The following KMT2C variants were observed in gnomAD, a reference collection of about 807,000 sequenced individuals.
KMT2C encodes histone-lysine N-methyltransferase 2C.
In KMT2C, 88 loss-of-function variants were observed where a neutral mutation model predicts 507.9. The observed-to-expected ratio is 0.17, with a 90% CI of 0.15 to 0.21. KMT2C has a LOEUF of 0.21. KMT2C is among the 10% of genes least tolerant of loss of function. The probability of loss-of-function intolerance (pLI) is 1.00; values close to 1 mark genes in which losing one functional copy is unlikely to be tolerated. For missense variants in KMT2C, 4,954 were observed against 5,957.8 expected (o/e 0.83, Z 5.55); for synonymous variants, 2,049 against 2,080.8 (o/e 0.98, Z 0.42).
chr7:152,297,133 C>T (rs1196289334), intron 6 of KMT2C, among the ~76,000 whole-genome samples: 1 of 149,178 alleles, frequency 6.7e-6, no homozygotes, highest in African/African-American at 2.5e-5. Context: ...CATATATATG[C>T]TATGTGAACA....
rs2092505793 is a variant in KMT2C, at chr7:152,162,442, G to C, written c.11135C>G (p.Pro3712Arg). 6.2e-7 allele frequency: 1 copy of C among 1,614,230 alleles called. No homozygotes were observed. The highest frequency in any genetic ancestry group is 2.2e-5 in the East Asian group (1 of 44,888). The change falls in exon 43 of 59, where the codon CCT becomes CGT. Residue 3712 changes from proline (P) to arginine (R), a missense_variant. This residue lies in a region of KMT2C where 801 missense variants were observed against 751.2 expected (regional missense o/e 1.07). Transcript: ENST00000262189. ...SEVDKLSMET[P>R]AKTEEIKLEK... is the part of the protein sequence containing the mutation. ...CAGTTTTATCTCTTCTGTTTTGGCA[G>C]GGGTTTCCATGGAGAGCTTGTCTAC...
At chr7:152,331,698 G>A (rs1003812604) in intron 2 of KMT2C, among the ~76,000 whole-genome samples, 2 of 144,042 alleles carry the variant, frequency 1.4e-5, no homozygotes, top group African/African-American at 2.7e-5. Context: ...ACCCAGGCTG[G>A]AATGCAATGG....
intron 6 of KMT2C, among the ~76,000 whole-genome samples, chr7:152,298,130 A>G (rs2096533089): frequency 1.3e-5 from 2 of 152,210 alleles, no homozygotes; most frequent in Non-Finnish European, 2.9e-5. Flanking sequence ...TTAAAAAGTG[A>G]TTTTTAAAAA....
intron 7 of KMT2C, among the ~76,000 whole-genome samples, chr7:152,271,811 T>C (rs1378002220): frequency 6.6e-6 from 1 of 152,106 alleles, no homozygotes; most frequent in Non-Finnish European, 1.5e-5. Context: ...GCAAGGTGGC[T>C]ACTTTAAGAT....
In KMT2C at chr7:152,159,077, T is replaced by C. The variant is rs893152303; in HGVS notation, c.11461-5A>G. ...CATTTGAGCCCCCAAAGTTTGCTAA[T>C]GTAATTGGAAAGGGTAAAAAATAAG... On this transcript the variant is annotated splice_region_variant and splice_polypyrimidine_tract_variant and intron_variant, in intron 43 of 58. Coordinates refer to ENST00000262189, the MANE Select transcript of KMT2C (RefSeq NM_170606.3). 7 of 1,613,802 alleles carry C rather than the reference T, an allele frequency of 4.3e-6. No homozygotes were observed. In the Admixed American group the frequency reaches 8.3e-5, roughly 19 times the overall value.
At chr7:152,211,167 A>G (rs1015530049) in intron 23 of KMT2C, among the ~76,000 whole-genome samples, 4 of 152,252 alleles carry the variant, frequency 2.6e-5, no homozygotes, top group African/African-American at 9.6e-5. Flanking sequence ...CGCAGGTCAC[A>G]TAGAGAGAAC....
rs111708307 is a variant in KMT2C at position 152,283,646 on chromosome 7, C to T, written c.850-9779G>A. On this transcript the variant is annotated intron_variant, in intron 6 of 58. Coordinates refer to ENST00000262189, the MANE Select transcript of KMT2C (RefSeq NM_170606.3). ...TAGTACATATACCCCCAAGGTGAGT[C>T]AATAAGGTGAACCAGATTCTGGTTG... is the stretch of plus-strand genomic sequence containing the variant. Among the ~76,000 whole-genome samples, 74 of 134,036 alleles carry T rather than the reference C, an allele frequency of 5.5e-4. No homozygotes were observed. In the East Asian group the frequency reaches 6.6e-3, roughly 12 times the overall value. 87.9% of individuals were successfully genotyped at this position (134,036 alleles called of 152,430 possible).
intron 9 of KMT2C, among the ~76,000 whole-genome samples, chr7:152,260,872 A>T (rs116092130): frequency 0.029 from 4,416 of 152,222 alleles, 175 homozygotes; most frequent in African/African-American, 0.1. Flanking sequence ...AATCAAACAG[A>T]GAAAAGGGGA....
At chr7:152,367,466 C>T in intron 1 of KMT2C, 2 of 784,690 alleles carry the variant, frequency 2.5e-6, no homozygotes, top group East Asian at 2.4e-5. Flanking sequence ...AATCTACCCA[C>T]CTCGGCCTCC....
At chr7:152,239,572 A>T (rs1397290170) in intron 14 of KMT2C, among the ~76,000 whole-genome samples, 1 of 152,206 alleles carries the variant, frequency 6.6e-6, no homozygotes, top group Non-Finnish European at 1.5e-5. Flanking sequence ...ATTATATAGA[A>T]AGTAGTATCT....
At chr7:152,388,814 T>C (rs2116528386) in intron 1 of KMT2C, among the ~76,000 whole-genome samples, 1 of 152,292 alleles carries the variant, frequency 6.6e-6, no homozygotes, top group East Asian at 1.9e-4. Context: ...AATGGCGTGA[T>C]CTTGGGTTAC....
chr7:152,177,561 G>A lies in KMT2C; in HGVS notation c.7892C>T (p.Ser2631Phe), dbSNP rs2129115009. 1 of 1,614,244 alleles carries A rather than the reference G, an allele frequency of 6.2e-7. No homozygotes were observed. ...VHPDLEQVPP[S>F]QQEQGHSVHS... The stretch of plus-strand genomic sequence containing the variant: ...GACAGAATGACCTTGCTCTTGTTGA[G>A]ATGGTGGCACTTGTTCCAAATCTGG... The change falls in exon 38 of 59, where the codon TCT becomes TTT. Residue 2631 changes from serine to phenylalanine, a missense_variant. By Grantham distance (155) the Ser-to-Phe change is radical. Transcript: ENST00000262189.
chr7:152,330,936 A>C (rs1020011317), intron 2 of KMT2C, among the ~76,000 whole-genome samples, 197 bp from the exon 3 acceptor site: 1 of 152,206 alleles, frequency 6.6e-6, no homozygotes, highest in African/African-American at 2.4e-5. Flanking sequence ...TGATTATCAA[A>C]ATAATGTGAA....
chr7:152,289,235 T>C (rs2096363374), intron 6 of KMT2C, among the ~76,000 whole-genome samples: 1 of 152,206 alleles, frequency 6.6e-6, no homozygotes, highest in Non-Finnish European at 1.5e-5. Flanking sequence ...TTGATGCATT[T>C]CCAAAACTGA....
rs1563258253 is a variant in KMT2C at position 152,177,085 on chromosome 7, C to A, written c.8368G>T (p.Val2790Leu). Residue 2790 changes from valine (V) to leucine (L), a missense_variant, in exon 38 of 59, where the codon GTA becomes TTA. By Grantham distance (32) the Val-to-Leu change is conservative (BLOSUM62 1). Around this residue, in one of 29 missense-constraint regions of KMT2C, gnomAD observed 1,689 missense variants for 1,654.3 expected, o/e 1.02. Coordinates refer to ENST00000262189, the MANE Select transcript of KMT2C (RefSeq NM_170606.3). ...PIDDKLDNQCVSVEPKKKEQE... is the reference protein window; with the variant it reads ...PIDDKLDNQCLSVEPKKKEQE... ...TCCTTTTTTTTTGGTTCAACAGATA[C>A]ACACTGATTATCTAACTTATCATCA... 1.2e-6 allele frequency: 2 copies of A among 1,612,584 alleles called. No individual in the cohort carries two copies. The highest frequency in any genetic ancestry group is 1.1e-5 in the South Asian group (1 of 90,902).
chr7:152,418,387 G>A (rs34827287), intron 1 of KMT2C, among the ~76,000 whole-genome samples: 1 of 152,222 alleles, frequency 6.6e-6, no homozygotes, highest in Non-Finnish European at 1.5e-5. Context: ...AGAGGAAAAG[G>A]GGAGACAGCT....
At chr7:152,175,035 A>C (rs970440217) in intron 38 of KMT2C, among the ~76,000 whole-genome samples, 3 of 152,222 alleles carry the variant, frequency 2.0e-5, no homozygotes, top group Non-Finnish European at 2.9e-5. Context: ...GGAACTAAGA[A>C]GACAATTAGT....
intron 1 of KMT2C, among the ~76,000 whole-genome samples, chr7:152,428,653 T>G (rs947050846): frequency 5.9e-5 from 9 of 151,330 alleles, no homozygotes; most frequent in Non-Finnish European, 1.3e-4. Flanking sequence ...AAAAAAATCA[T>G]AAAAATCCAA....
At chr7:152,272,945 G>A (rs889355353) in intron 7 of KMT2C, among the ~76,000 whole-genome samples, 9 of 151,926 alleles carry the variant, frequency 5.9e-5, no homozygotes, top group African/African-American at 2.2e-4. Flanking sequence ...AAAAAAGATT[G>A]AATAAAATAT....
Sources: allele counts gnomAD v4.1 joint callset (sites outside exome capture counted in the v4.1 genomes callset), GRCh38; gene constraint gnomAD v4.1.1; regional missense constraint gnomAD v4.1.1; transcripts MANE v1.5; gene names NCBI Gene and HGNC (gene_info 2026-07-23, HGNC 2026-07-21).